The following RAB11FIP2 variants were observed in gnomAD, a reference collection of about 807,000 sequenced individuals.
The protein encoded by RAB11FIP2 is rab11 family-interacting protein 2.
In RAB11FIP2, 16 loss-of-function variants were observed where a neutral mutation model predicts 40.9. The ratio of observed to expected loss-of-function variants is 0.39; its 90% CI spans 0.26 to 0.59. RAB11FIP2 has a LOEUF of 0.59. Among genes scored for constraint, RAB11FIP2 ranks in the 20% least tolerant of loss-of-function variants. RAB11FIP2 has a pLI of 0.53. For synonymous variants in RAB11FIP2, 228 were observed against 213.7 expected (o/e 1.07, Z -0.58); for missense variants, 532 against 606.2 (o/e 0.88, Z 1.28).
chr10:118,033,152 C>T (rs1459428087), intron 3 of RAB11FIP2, among the ~76,000 whole-genome samples: 2 of 151,984 alleles, frequency 1.3e-5, no homozygotes, highest in South Asian at 2.1e-4. Context: ...TGGAATGTAT[C>T]CCCATAGAGT....
At chr10:118,017,668 TA>T (rs1456163811) in intron 3 of RAB11FIP2, 1 of 152,208 alleles carries the variant, frequency 6.6e-6, no homozygotes, top group African/African-American at 2.4e-5. Context: ...TGGACAATGT[TA>T]ATCTTTTCTT....
At position 118,046,167 on chromosome 10, in the gene RAB11FIP2, G is replaced by A. The variant is rs758586587; in HGVS notation, c.-4C>T. 1.9e-6 allele frequency: 3 copies of A among 1,610,498 alleles called. No homozygotes were observed. The South Asian group carries it at 3.3e-5, about 18-fold the overall frequency. ...GGGCTTGCTCGGACAGCATCATCCTGTCCTGTTTCTCTGCCCCCGAGTTCC... is the reference window on the plus strand; with the variant it reads ...GGGCTTGCTCGGACAGCATCATCCTATCCTGTTTCTCTGCCCCCGAGTTCC... On this transcript the variant is annotated 5_prime_UTR_variant, in exon 1 of 5. Transcript: ENST00000355624.
At chr10:118,025,617 C>A (rs1339367486) in intron 3 of RAB11FIP2, among the ~76,000 whole-genome samples, 1 of 152,202 alleles carries the variant, frequency 6.6e-6, no homozygotes, top group Admixed American at 6.5e-5. Context: ...ATGGAAAACT[C>A]TTCATACATT....
Position 118,039,126 on chromosome 10 carries a change from T to C in RAB11FIP2, c.1111A>G (p.Arg371Gly), listed in dbSNP as rs1413253214. Residue 371 changes from arginine to glycine, a missense_variant, in exon 3 of 5, where the codon AGA becomes GGA. Physicochemically the swap from Arg to Gly is moderately radical, Grantham distance 125. Coordinates refer to ENST00000355624, the MANE Select transcript of RAB11FIP2 (RefSeq NM_014904.3). Reference protein sequence around the residue: ...ERVTGKKDSRRSDKLNNGGSD... With the variant: ...ERVTGKKDSRGSDKLNNGGSD... Reference sequence around the variant, plus strand: ...CCCCCATTGTTAAGTTTATCAGATCTTCTGCTATCTTTTTTTCCAGTCACT... The same window carrying C: ...CCCCCATTGTTAAGTTTATCAGATCCTCTGCTATCTTTTTTTCCAGTCACT... 6.2e-7 allele frequency: 1 copy of C among 1,613,652 alleles called. No homozygotes were observed. The highest frequency in any genetic ancestry group is 8.5e-7 in the Non-Finnish European group (1 of 1,179,772).
At chr10:118,036,625 C>A (rs1846484256) in intron 3 of RAB11FIP2, among the ~76,000 whole-genome samples, 1 of 152,046 alleles carries the variant, frequency 6.6e-6, no homozygotes, top group Non-Finnish European at 1.5e-5. Context: ...CCCTTTACTG[C>A]AAATGTTTTA....
chr10:118,026,547 T>C (rs765183792), intron 3 of RAB11FIP2, among the ~76,000 whole-genome samples: 8 of 152,168 alleles, frequency 5.3e-5, no homozygotes, highest in Non-Finnish European at 5.9e-5. Flanking sequence ...GTGCCCTTTT[T>C]ACCAAAGGGG....
At chr10:118,010,247 T>C (rs908975092) in intron 4 of RAB11FIP2, among the ~76,000 whole-genome samples, 4 of 152,162 alleles carry the variant, frequency 2.6e-5, no homozygotes, top group African/African-American at 9.6e-5. Context: ...TAAATCATAG[T>C]TCTCTCATTA....
chr10:118,021,213 T>C (rs181766208), intron 3 of RAB11FIP2, among the ~76,000 whole-genome samples: 2 of 152,374 alleles, frequency 1.3e-5, no homozygotes, highest in East Asian at 1.9e-4. Context: ...TCCTGCAGTA[T>C]GTAAAATGGT....
In RAB11FIP2 at chr10:118,040,501, T is replaced by C; in HGVS notation, c.418A>G (p.Ile140Val). Residue 140 changes from isoleucine (I) to valine (V), a missense_variant, in exon 2 of 5, where the codon ATT (isoleucine) becomes GTT (valine). Transcript: ENST00000355624. Reference sequence around the variant, plus strand: ...GTCATATTGTTCCTCATAAACTGAATATTGACCTTTATCTCACCCCTGTTT... The same window carrying C: ...GTCATATTGTTCCTCATAAACTGAACATTGACCTTTATCTCACCCCTGTTT... ...IKNRGEIKVN[I>V]QFMRNNMTAS... The C allele has an allele frequency of 6.2e-7, 1 of 1,613,148 alleles. No homozygotes were observed. The highest frequency in any genetic ancestry group is 8.5e-7 in the Non-Finnish European group (1 of 1,179,408).
In RAB11FIP2 at chr10:118,006,136, T is replaced by C. The variant is rs1003394387; in HGVS notation, c.*2862A>G. 6.6e-6 allele frequency: 1 copy of C among 152,622 alleles called. No individual in the cohort carries two copies. The highest frequency in any genetic ancestry group is 2.4e-5 in the African/African-American group (1 of 41,444). The allele number at this position is 152,622 out of a possible 1,614,324, so 9.5% of individuals were successfully genotyped here. On this transcript the variant is annotated 3_prime_UTR_variant, in exon 5 of 5. Transcript: ENST00000355624. ...TTGTTTTATATACAATTCTAAGATA[T>C]GACCCTGGTATTCAATAAATGAAAC...
intron 3 of RAB11FIP2, among the ~76,000 whole-genome samples, chr10:118,035,499 G>A (rs1463040164): frequency 6.6e-6 from 1 of 152,116 alleles, no homozygotes; most frequent in Non-Finnish European, 1.5e-5. Flanking sequence ...GGAAGTAGGA[G>A]GCTAACGGAA....
intron 4 of RAB11FIP2, among the ~76,000 whole-genome samples, chr10:118,013,736 C>A (rs1374245739): frequency 1.3e-5 from 2 of 151,978 alleles, no homozygotes; most frequent in African/African-American, 4.8e-5. Flanking sequence ...TCTTTTATCA[C>A]CTTTAAATCC....
chr10:118,009,540 C>A (rs1031067298), intron 4 of RAB11FIP2, among the ~76,000 whole-genome samples: 2 of 152,018 alleles, frequency 1.3e-5, no homozygotes, highest in Non-Finnish European at 2.9e-5. Context: ...ATAAATACAA[C>A]TAAAATAGAT....
chr10:118,039,736 C>G (rs189601951), intron 2 of RAB11FIP2: 9 of 372,478 alleles, frequency 2.4e-5, no homozygotes. Flanking sequence ...TAAAAATTCT[C>G]AGAGACTTTT....
At chr10:118,039,784 A>G in intron 2 of RAB11FIP2, 1 of 352,042 alleles carries the variant, frequency 2.8e-6, no homozygotes, top group Non-Finnish European at 5.1e-6. Flanking sequence ...TTCTGAACAT[A>G]AAAGTTTTCT....
intron 3 of RAB11FIP2, among the ~76,000 whole-genome samples, chr10:118,022,257 C>T (rs973459174): frequency 6.6e-6 from 1 of 152,206 alleles, no homozygotes; most frequent in Non-Finnish European, 1.5e-5. Context: ...ACCTTTCTGA[C>T]CATAAGACCA....
At chr10:118,033,518 T>C (rs1259198347) in intron 3 of RAB11FIP2, among the ~76,000 whole-genome samples, 1 of 152,042 alleles carries the variant, frequency 6.6e-6, no homozygotes, top group Non-Finnish European at 1.5e-5. Flanking sequence ...AGGTTATTAC[T>C]CAAAAAAGAA....
intron 3 of RAB11FIP2, among the ~76,000 whole-genome samples, chr10:118,033,361 C>A (rs1272953469): frequency 6.6e-6 from 1 of 152,046 alleles, no homozygotes; most frequent in Non-Finnish European, 1.5e-5. Flanking sequence ...TGAGGTCATG[C>A]ACAAATCTAG....
Position 118,040,221 on chromosome 10 carries a change from C to T in RAB11FIP2, c.698G>A (p.Gly233Glu), listed in dbSNP as rs745327559. ...SSAHSMSDLS[G>E]SHMSSEKLKA... ...CAGTTTCTCAGAAGACATATGGGAC[C>T]CAGATAAATCAGACATTGAATGCGC... The change falls in exon 2 of 5, where the codon GGG (glycine) becomes GAG (glutamate). Residue 233 changes from glycine (G) to glutamate (E), a missense_variant. Gly to Glu is a moderately conservative substitution (Grantham distance 98). Transcript: ENST00000355624. The T allele has an allele frequency of 8.1e-6, 13 of 1,613,588 alleles. No individual in the cohort carries two copies. The East Asian group carries it at 2.9e-4, about 36-fold the overall frequency.
Sources: gnomAD v4.1 joint callset for allele counts (sites outside exome capture counted in the v4.1 genomes callset) on GRCh38, gnomAD v4.1.1 for gene constraint, MANE v1.5 for transcripts, NCBI Gene and HGNC (gene_info 2026-07-23, HGNC 2026-07-21) for gene names.